BCAR1: variants seen among roughly 807,000 people sequenced by gnomAD.
BCAR1 encodes breast cancer anti-estrogen resistance protein 1.
BCAR1 carries 30 observed loss-of-function variants against 67.6 expected under a neutral mutation model. The observed-to-expected ratio is 0.44, with a 90% CI of 0.33 to 0.60. The LOEUF (loss-of-function observed/expected upper bound fraction) is 0.60, where lower values mean the gene tolerates loss of function less well. Ranked by LOEUF, BCAR1 falls within the 20% of genes least tolerant of loss-of-function variation. The pLI, the probability that BCAR1 is intolerant of heterozygous loss-of-function variation, is 0.02. For missense variants in BCAR1, 1,313 were observed against 1,222.3 expected, an observed-to-expected ratio of 1.07 and a Z score of -1.11; for synonymous variants, 626 against 556.7, an observed-to-expected ratio of 1.12 and a Z score of -1.75.
chr16:75,267,923 A>C, exon 1 of BCAR1: 1 of 1,602,622 alleles, frequency 6.2e-7, no homozygotes, highest in African/African-American at 1.3e-5. Flanking sequence ...ACTCTGAGGC[A>C]GGGATCCTTG....
At position 75,229,293 on chromosome 16, in the gene BCAR1, G is replaced by A. The variant is rs1364695810; in HGVS notation, c.*218C>T. The stretch of plus-strand genomic sequence containing the variant: ...GGGCCCGTGGTGCATGCTGGGGAAG[G>A]CCACTGGCCGGCCCCTGGGCTTCGG... On this transcript the variant is annotated 3_prime_UTR_variant, in exon 7 of 7. Coordinates refer to ENST00000162330, the MANE Select transcript of BCAR1 (RefSeq NM_014567.5). 5.6e-6 allele frequency: 4 copies of A among 718,304 alleles called. No homozygotes were observed. The highest frequency in any genetic ancestry group is 8.4e-6 in the Non-Finnish European group (4 of 473,888). 44.5% of individuals were successfully genotyped at this position (718,304 alleles called of 1,614,324 possible). A position where few individuals can be genotyped will look rare whatever the true frequency, so the allele number is the denominator to read the frequency against.
chr16:75,252,187 G>C (rs2077696388), upstream of BCAR1: 1 of 1,535,322 alleles, frequency 6.5e-7, no homozygotes, highest in Admixed American at 2.0e-5. Context: ...CCTCAAGCAG[G>C]GAGGCTGGCG....
chr16:75,243,136 G>A (rs1396826737), intron 1 of BCAR1, 46 bp from the exon 2 acceptor site: 1 of 1,530,050 alleles, frequency 6.5e-7, no homozygotes, highest in Non-Finnish European at 8.8e-7. Context: ...ATGTGCATGG[G>A]GCGTCAGGGG....
chr16:75,228,255 TG>T lies in BCAR1; in HGVS notation c.*1255del. 6.6e-6 allele frequency: 1 copy of T among 152,220 alleles called. No individual in the cohort carries two copies. The highest frequency in any genetic ancestry group is 1.5e-5 in the Non-Finnish European group (1 of 68,124). 9.4% of individuals were successfully genotyped at this position (152,220 alleles called of 1,614,324 possible). ...TGGGCTGAGCATGATGTGGCTGAGG[TG>T]GGGGGACAGATGCTGTCACGGGGAC... is the stretch of plus-strand genomic sequence containing the variant. On this transcript the variant is annotated 3_prime_UTR_variant, in exon 7 of 7. Coordinates refer to ENST00000162330, the MANE Select transcript of BCAR1 (RefSeq NM_014567.5).
At position 75,240,113 on chromosome 16, in the gene BCAR1, C is replaced by T. The variant is rs77883154; in HGVS notation, c.633+2357G>A. The stretch of plus-strand genomic sequence containing the variant: ...CACCAGGCTCCCACCTTAGCAACCA[C>T]TGGACCCTGCTCCAGGGCCCAGGGT... On this transcript the variant is annotated intron_variant, in intron 2 of 6. Transcript: ENST00000162330. Among the ~76,000 whole-genome samples, 131 of 152,338 alleles carry T rather than the reference C, an allele frequency of 8.6e-4. 1 individual carries two copies. In the East Asian group the frequency reaches 0.018, roughly 21 times the overall value.
At position 75,263,786 on chromosome 16, in the gene BCAR1, T is replaced by C. The variant is rs761769939; in HGVS notation, c.66+4129A>G. On this transcript the variant is annotated intron_variant, in intron 1 of 6. Transcript: ENST00000393422. ...GTCCCTGAGCAGTCGCCACTCTGGGTTCCAAGGGCAGGGCTTGAGCAGGCA... is the reference window on the plus strand; with the variant it reads ...GTCCCTGAGCAGTCGCCACTCTGGGCTCCAAGGGCAGGGCTTGAGCAGGCA... The C allele has an allele frequency of 3.6e-4, 360 of 987,174 alleles. 1 individual carries two copies. The highest frequency in any genetic ancestry group is 4.2e-4 in the Non-Finnish European group (353 of 831,374). 61.2% of individuals were successfully genotyped at this position (987,174 alleles called of 1,614,324 possible).
intron 1 of BCAR1, chr16:75,266,814 C>G: frequency 5.1e-6 from 7 of 1,362,868 alleles, no homozygotes; most frequent in Non-Finnish European, 6.7e-6. Context: ...AGAGCACTGT[C>G]CCGGAGGTCA....
At chr16:75,258,721 C>G (rs1040492466) in intron 1 of BCAR1, among the ~76,000 whole-genome samples, 1 of 152,270 alleles carries the variant, frequency 6.6e-6, no homozygotes. Context: ...GGCAAGCCAA[C>G]TCCTTCGGCG....
intron 1 of BCAR1, chr16:75,266,467 C>T (rs1484111710): frequency 6.0e-6 from 2 of 333,046 alleles, no homozygotes; most frequent in Non-Finnish European, 1.1e-5. Context: ...GTAACCCCCA[C>T]TCCTGGGCCC....
Position 75,235,068 on chromosome 16 carries a change from T to C in BCAR1, c.1831A>G (p.Thr611Ala), listed in dbSNP as rs753690396. ...CCACCCCCCTCAGGCCCCGGGGCAG[T>C]GGCCTTGGTCCGTCTGAAGAGCAGT... ...ASLLFRRTKATAPGPEGGGTL... is the reference protein window; with the variant it reads ...ASLLFRRTKAAAPGPEGGGTL... Residue 611 changes from threonine to alanine, a missense_variant, in exon 5 of 7, where the codon ACT becomes GCT. By Grantham distance (58) the Thr-to-Ala change is moderately conservative. Transcript: ENST00000162330. 1 of 1,613,040 alleles carries C rather than the reference T, an allele frequency of 6.2e-7. No individual in the cohort carries two copies. Among genetic ancestry groups the C allele is most frequent in the Non-Finnish European group, 8.5e-7 (1 of 1,180,016 alleles).
At chr16:75,238,346 G>A (rs1186559888) in intron 2 of BCAR1, 2 of 1,116,060 alleles carry the variant, frequency 1.8e-6, no homozygotes, top group Non-Finnish European at 2.2e-6. Context: ...TCTCTCCACT[G>A]AAAGACCTTT....
chr16:75,255,611 G>C (rs1235074284), upstream of BCAR1, among the ~76,000 whole-genome samples: 2 of 150,880 alleles, frequency 1.3e-5, no homozygotes, highest in African/African-American at 4.9e-5. Context: ...CAGGATAATT[G>C]CTTGAACCAG....
intron 1 of BCAR1, 43 bp from the exon 2 acceptor site, chr16:75,243,133 T>A: frequency 6.5e-7 from 1 of 1,539,768 alleles, no homozygotes; most frequent in Non-Finnish European, 8.8e-7. Context: ...AGGATGTGCA[T>A]GGGGCGTCAG....
intron 1 of BCAR1, chr16:75,250,862 GT>G: frequency 1.0e-6 from 1 of 985,466 alleles, no homozygotes; most frequent in Non-Finnish European, 1.2e-6. Flanking sequence ...GGCGCTCGGC[GT>G]GCGGGGCTGC....
intron 1 of BCAR1, among the ~76,000 whole-genome samples, chr16:75,257,033 C>A (rs1044492761): frequency 1.3e-5 from 2 of 152,210 alleles, no homozygotes; most frequent in Non-Finnish European, 2.9e-5. Context: ...AAGAGAGGGG[C>A]TCAGTCCTGG....
At chr16:75,245,519 G>A (rs2077487006) in intron 1 of BCAR1, among the ~76,000 whole-genome samples, 2 of 152,226 alleles carry the variant, frequency 1.3e-5, no homozygotes, top group Admixed American at 6.5e-5. Flanking sequence ...GGAGGGAAGG[G>A]CCCTGCAGGG....
chr16:75,242,809 C>T lies in BCAR1; in HGVS notation c.294G>A (p.Gln98=). 6.2e-7 allele frequency: 1 copy of T among 1,603,986 alleles called. No homozygotes were observed. The highest frequency in any genetic ancestry group is 2.2e-5 in the East Asian group (1 of 44,742). The part of the protein sequence containing the change: ...GLHAPAPPAS[Q]YTPMLPNTYQ... ...AGGTGTTGGGGAGCATGGGCGTGTA[C>T]TGGGAGGCCGGAGGCGCTGGGGCAT... is the stretch of plus-strand genomic sequence containing the variant. Residue 98 remains glutamine, a synonymous_variant, in exon 2 of 7, where the codon CAG becomes CAA. Transcript: ENST00000162330.
At chr16:75,258,214 C>T (rs1197420699) in intron 1 of BCAR1, among the ~76,000 whole-genome samples, 1 of 152,234 alleles carries the variant, frequency 6.6e-6, no homozygotes, top group Admixed American at 6.5e-5. Context: ...GCTCTCCCTA[C>T]AGCCTGCGTA....
upstream of BCAR1, among the ~76,000 whole-genome samples, chr16:75,255,049 C>A (rs2077746128): frequency 6.6e-6 from 1 of 152,242 alleles, no homozygotes; most frequent in Non-Finnish European, 1.5e-5. Flanking sequence ...AAAACAGGCT[C>A]ACCTATCAAT....
Sources: gnomAD v4.1 joint callset for allele counts (sites outside exome capture counted in the v4.1 genomes callset) on GRCh38, gnomAD v4.1.1 for gene constraint, MANE v1.5 for transcripts, NCBI Gene and HGNC (gene_info 2026-07-23, HGNC 2026-07-21) for gene names.